The following MYCBP2 variants were observed in gnomAD, a reference collection of about 807,000 sequenced individuals.
MYCBP2 encodes MYC binding protein 2.
Under a neutral mutation model 525.3 loss-of-function variants are expected in MYCBP2, and 120 were observed. The observed-to-expected ratio is 0.23, with a 90% CI of 0.20 to 0.27. The LOEUF (loss-of-function observed/expected upper bound fraction) is 0.27. Ranked by LOEUF, MYCBP2 falls within the 10% of genes least tolerant of loss-of-function variation. The probability of loss-of-function intolerance (pLI) is 1.00; values close to 1 mark genes in which losing one functional copy is unlikely to be tolerated. For synonymous variants in MYCBP2, 1,894 were observed against 1,955.8 expected (o/e 0.97, Z 0.83); for missense variants, 4,149 against 5,657.1 (o/e 0.73, Z 8.55).
chr13:77,190,190 G>A (rs995362901), intron 29 of MYCBP2, 62 bp downstream of exon 29: 1 of 1,066,368 alleles, frequency 9.4e-7, no homozygotes, highest in African/African-American at 1.6e-5. Flanking sequence ...GTTTTGTAAT[G>A]ATTCTACTTC....
intron 58 of MYCBP2, among the ~76,000 whole-genome samples, chr13:77,093,821 A>G (rs566817880): frequency 5.9e-5 from 9 of 152,286 alleles, no homozygotes; most frequent in African/African-American, 1.7e-4. Context: ...AACATACATA[A>G]GATCATATTT....
In MYCBP2 at chr13:77,157,942, A is replaced by C. The variant is rs771138071; in HGVS notation, c.6765T>G (p.Leu2255=). The change falls in exon 45 of 83, where the codon CTT becomes CTG. Residue 2255 remains leucine (L), a synonymous_variant. Transcript: ENST00000544440. ...GTAACTTAAAGTACATTTACCTTGC[A>C]AGCCTTCCACCACTTGATCCTGGGA... ...ACVPGSSGGR[L]ARWLQPDSYA... 1.2e-6 allele frequency: 2 copies of C among 1,610,128 alleles called. No individual in the cohort carries two copies. The highest frequency in any genetic ancestry group is 1.7e-6 in the Non-Finnish European group (2 of 1,178,804).
At chr13:77,088,776 A>C in intron 61 of MYCBP2, 56 bp downstream of exon 61, 1 of 1,460,270 alleles carries the variant, frequency 6.8e-7, no homozygotes, top group Non-Finnish European at 9.5e-7. Context: ...GTGAAATAGA[A>C]TCATCACATG....
chr13:77,322,814 T>G (rs9600866), intron 1 of MYCBP2, among the ~76,000 whole-genome samples: 4,063 of 152,270 alleles, frequency 0.027, 196 homozygotes, highest in African/African-American at 0.091. Flanking sequence ...TCAGAACAGA[T>G]CATACATTCC....
chr13:77,321,415 A>G (rs2081595025), intron 1 of MYCBP2, among the ~76,000 whole-genome samples: 1 of 152,238 alleles, frequency 6.6e-6, no homozygotes, highest in African/African-American at 2.4e-5. Flanking sequence ...ACAAATACAG[A>G]TGTACACATA....
Position 77,176,647 on chromosome 13 carries a change from A to G in MYCBP2, c.5341-19T>C. ...GTTCACTCTAAAAAAAAAAAATGAA[A>G]CACAAAAATTCCAACAGACTCTTAA... is the stretch of plus-strand genomic sequence containing the variant. On this transcript the variant is annotated intron_variant, in intron 35 of 82. Transcript: ENST00000544440. 6.7e-7 allele frequency: 1 copy of G among 1,489,038 alleles called. No homozygotes were observed. The highest frequency in any genetic ancestry group is 2.3e-5 in the East Asian group (1 of 42,952). The allele number at this position is 1,489,038 out of a possible 1,614,324, so 92.2% of individuals were successfully genotyped here.
At chr13:77,285,839 GAA>G (rs971323689) in intron 3 of MYCBP2, among the ~76,000 whole-genome samples, 3 of 145,068 alleles carry the variant, frequency 2.1e-5, no homozygotes, top group African/African-American at 7.8e-5. Context: ...AAAGGGAAAA[GAA>G]AAAAGGAGAA....
At chr13:77,245,050 A>G (rs2069608185) in intron 15 of MYCBP2, among the ~76,000 whole-genome samples, 1 of 152,222 alleles carries the variant, frequency 6.6e-6, no homozygotes, top group African/African-American at 2.4e-5. Flanking sequence ...CAAAACCACA[A>G]TGAGAAAACA....
At chr13:77,305,525 T>C (rs910710211) in intron 1 of MYCBP2, among the ~76,000 whole-genome samples, 35 of 152,140 alleles carry the variant, frequency 2.3e-4, no homozygotes, top group Admixed American at 1.9e-3. Flanking sequence ...TGCCAAAAAC[T>C]GATAGAAAGG....
At chr13:77,215,779 C>T (rs1214871311) in intron 21 of MYCBP2, among the ~76,000 whole-genome samples, 1 of 152,164 alleles carries the variant, frequency 6.6e-6, no homozygotes, top group Non-Finnish European at 1.5e-5. Context: ...TGGGGTCTCA[C>T]TATGTTGTCC....
chr13:77,183,769 A>G (rs2060474360), intron 32 of MYCBP2, among the ~76,000 whole-genome samples: 1 of 151,786 alleles, frequency 6.6e-6, no homozygotes, highest in Non-Finnish European at 1.5e-5. Flanking sequence ...GCTGGTCTCG[A>G]ACTCCTGACC....
chr13:77,320,959 T>C (rs2081528468), intron 1 of MYCBP2, among the ~76,000 whole-genome samples: 1 of 152,210 alleles, frequency 6.6e-6, no homozygotes, highest in Non-Finnish European at 1.5e-5. Context: ...CAGCGGTCAG[T>C]AACCAGGGGT....
chr13:77,128,628 G>A (rs1407810562), intron 52 of MYCBP2, among the ~76,000 whole-genome samples: 1 of 149,050 alleles, frequency 6.7e-6, no homozygotes, highest in African/African-American at 2.6e-5. Context: ...GTGCTAAACA[G>A]TATAAAACAC....
chr13:77,285,364 G>A (rs1176552673), intron 3 of MYCBP2, among the ~76,000 whole-genome samples: 1 of 152,108 alleles, frequency 6.6e-6, no homozygotes, highest in African/African-American at 2.4e-5. Flanking sequence ...CCAGCCCTAC[G>A]TCCTAACTCA....
At chr13:77,296,775 T>C in intron 1 of MYCBP2, 101 bp from the exon 2 acceptor site, 1 of 944,276 alleles carries the variant, frequency 1.1e-6, no homozygotes, top group South Asian at 2.0e-5. Flanking sequence ...TTTGGATCTT[T>C]TTCTTGCAAA....
At chr13:77,263,850 A>G in intron 9 of MYCBP2, 61 bp from the exon 10 acceptor site, 2 of 1,608,282 alleles carry the variant, frequency 1.2e-6, no homozygotes, top group African/African-American at 1.3e-5. Context: ...AAGGCTCTAC[A>G]GTCTATCTAA....
intron 69 of MYCBP2, among the ~76,000 whole-genome samples, chr13:77,069,545 C>T (rs958914419): frequency 6.6e-5 from 10 of 150,996 alleles, no homozygotes; most frequent in African/African-American, 2.4e-4. Context: ...CGAGACCATT[C>T]TGGCTAACAC....
Position 77,083,184 on chromosome 13 carries a change from A to C in MYCBP2, c.10884T>G (p.Asp3628Glu). Residue 3628 changes from aspartate to glutamate, a missense_variant, in exon 63 of 83, where the codon GAT becomes GAG. Around this residue, in one of 21 missense-constraint regions of MYCBP2, gnomAD observed 509 missense variants for 789.4 expected, o/e 0.64. Coordinates refer to ENST00000544440, the MANE Select transcript of MYCBP2 (RefSeq NM_015057.5). ...TSKENSEQEK[D>E]TRVCEHPLSD... ...AGAGTGGATGTTCACATACTCTTGT[A>C]TCTTTCTCCTAAGGCAGAAATTGAA... 2 of 1,611,800 alleles carry C rather than the reference A, an allele frequency of 1.2e-6. No individual in the cohort carries two copies. The highest frequency in any genetic ancestry group is 1.7e-6 in the Non-Finnish European group (2 of 1,179,002).
chr13:77,104,945 G>C (rs2047626830), intron 55 of MYCBP2, among the ~76,000 whole-genome samples: 1 of 152,082 alleles, frequency 6.6e-6, no homozygotes, highest in Admixed American at 6.6e-5. Flanking sequence ...AACCTCAAAA[G>C]ATGTCAGGTG....
Sources: gnomAD v4.1 joint callset for allele counts (sites outside exome capture counted in the v4.1 genomes callset) on GRCh38, gnomAD v4.1.1 for gene constraint, gnomAD v4.1.1 regional missense constraint, MANE v1.5 for transcripts, NCBI Gene and HGNC (gene_info 2026-07-23, HGNC 2026-07-21) for gene names.